Variants in TMEM163 observed in about 807,000 individuals in gnomAD.
The protein encoded by TMEM163 is transmembrane protein 163.
TMEM163 carries 17 observed loss-of-function variants against 29.3 expected under a neutral mutation model. The observed-to-expected ratio is 0.58, with a 90% CI of 0.40 to 0.87. The LOEUF is 0.87. Ranked by LOEUF, TMEM163 falls within the 40% of genes least tolerant of loss-of-function variation. The pLI, the probability that TMEM163 is intolerant of heterozygous loss-of-function variation, is 0.00. For missense variants in TMEM163, 303 were observed against 381.5 expected (o/e 0.79, Z 1.71); for synonymous variants, 157 against 160.6 (o/e 0.98, Z 0.17).
chr2:134,697,716 T>C (rs1684613042), intron 2 of TMEM163, among the ~76,000 whole-genome samples: 1 of 152,186 alleles, frequency 6.6e-6, no homozygotes, highest in African/African-American at 2.4e-5. Context: ...CATGGTAAAT[T>C]ACATAATAAA....
Position 134,493,874 on chromosome 2 carries a change from T to C in TMEM163, c.555+9027A>G, listed in dbSNP as rs117178372. ...CCAGCACCATTTGTTGAGGAGACTT[T>C]CCTTTCCCCCATTGAATTACCTTGG... On this transcript the variant is annotated intron_variant, in intron 5 of 7. Transcript: ENST00000281924. Among the ~76,000 whole-genome samples, 127 of 152,296 alleles carry C rather than the reference T, an allele frequency of 8.3e-4. No individual in the cohort carries two copies. In the East Asian group the frequency reaches 0.023, roughly 27 times the overall value.
intron 2 of TMEM163, among the ~76,000 whole-genome samples, chr2:134,581,694 C>T (rs763341703): frequency 6.6e-6 from 1 of 152,136 alleles, no homozygotes; most frequent in African/African-American, 2.4e-5. Context: ...CAAGTCAGCT[C>T]ATTTTGAGGG....
intron 2 of TMEM163, among the ~76,000 whole-genome samples, chr2:134,581,070 G>T (rs6730778): frequency 0.071 from 10,777 of 152,214 alleles, 430 homozygotes; most frequent in Admixed American, 0.14. Flanking sequence ...CATCACAGAC[G>T]CAGGTGCCAA....
chr2:134,534,165 G>A (rs979764918), intron 4 of TMEM163, among the ~76,000 whole-genome samples: 2 of 152,246 alleles, frequency 1.3e-5, no homozygotes, highest in African/African-American at 4.8e-5. Context: ...CTCATTAAAT[G>A]AGTAAATATC....
At chr2:134,465,093 T>A (rs1470175990) in intron 6 of TMEM163, among the ~76,000 whole-genome samples, 1 of 151,322 alleles carries the variant, frequency 6.6e-6, no homozygotes, top group Non-Finnish European at 1.5e-5. Context: ...GGCTCACACC[T>A]GTAATCCCAG....
intron 1 of TMEM163, among the ~76,000 whole-genome samples, chr2:134,716,747 G>A (rs80186468): frequency 0.027 from 4,065 of 152,178 alleles, 192 homozygotes; most frequent in African/African-American, 0.093. Flanking sequence ...AAAAATAACA[G>A]AAACAACAAA....
At chr2:134,643,664 TA>T (rs142265576) in intron 2 of TMEM163, among the ~76,000 whole-genome samples, 13,552 of 148,010 alleles carry the variant, frequency 0.092, 695 homozygotes, top group South Asian at 0.17. Flanking sequence ...TCATTCATGT[TA>T]AAAAAAAAAC....
intron 4 of TMEM163, among the ~76,000 whole-genome samples, chr2:134,516,348 G>A (rs966409612): frequency 6.6e-6 from 1 of 151,978 alleles, no homozygotes; most frequent in Admixed American, 6.6e-5. Context: ...ATCACTCGTG[G>A]TCAGGAGTTT....
intron 5 of TMEM163, among the ~76,000 whole-genome samples, chr2:134,489,512 G>A (rs977646007): frequency 6.6e-6 from 1 of 151,622 alleles, no homozygotes; most frequent in Non-Finnish European, 1.5e-5. Context: ...GGGAGGCAGA[G>A]GTTACAGTGA....
rs984591829 is a variant in TMEM163, at chr2:134,481,379, G to GA, written c.556-15155_556-15154insT. 4.9e-3 allele frequency among the ~76,000 whole-genome samples: 204 copies of GA among 41,938 alleles called. 2 individuals carry two copies. The African/African-American group carries it at 0.069, about 14-fold the overall frequency. The allele number at this position is 41,938 out of a possible 152,430, so 27.5% of individuals were successfully genotyped here. A position where few individuals can be genotyped will look rare whatever the true frequency, so the allele number is the denominator to read the frequency against. Reference sequence around the variant, plus strand: ...CCTAGTGGGAGGTAATTGAATCATGGGGGGGGGGGGAGCTTTTCCTGTGCT... The same window carrying GA: ...CCTAGTGGGAGGTAATTGAATCATGGAGGGGGGGGGGAGCTTTTCCTGTGCT... On this transcript the variant is annotated intron_variant, in intron 5 of 7. Transcript: ENST00000281924.
chr2:134,495,707 T>G (rs776412884), intron 5 of TMEM163, among the ~76,000 whole-genome samples: 2 of 152,180 alleles, frequency 1.3e-5, no homozygotes, highest in Non-Finnish European at 2.9e-5. Flanking sequence ...TCGTTCATGC[T>G]AAATGCCACA....
At chr2:134,479,768 T>G (rs985217014) in intron 5 of TMEM163, among the ~76,000 whole-genome samples, 2 of 152,140 alleles carry the variant, frequency 1.3e-5, no homozygotes, top group African/African-American at 4.8e-5. Context: ...CAGAGCTGTG[T>G]CCCAAGCTCA....
chr2:134,457,619 G>T (rs757007487), intron 7 of TMEM163, among the ~76,000 whole-genome samples: 12 of 152,230 alleles, frequency 7.9e-5, no homozygotes, highest in Non-Finnish European at 1.8e-4. Flanking sequence ...TAAGGCTAGG[G>T]ATGCGGCCTC....
chr2:134,643,664 T>C (rs1479607431), intron 2 of TMEM163, among the ~76,000 whole-genome samples: 1 of 148,064 alleles, frequency 6.8e-6, no homozygotes, highest in East Asian at 2.0e-4. Flanking sequence ...TCATTCATGT[T>C]AAAAAAAAAA....
intron 2 of TMEM163, among the ~76,000 whole-genome samples, chr2:134,632,024 C>T (rs1049997246): frequency 6.6e-6 from 1 of 152,164 alleles, no homozygotes; most frequent in Admixed American, 6.5e-5. Flanking sequence ...AAGTTTCCAA[C>T]AAAGTCATAT....
intron 2 of TMEM163, among the ~76,000 whole-genome samples, chr2:134,589,174 C>G (rs967426659): frequency 1.3e-5 from 2 of 152,080 alleles, no homozygotes; most frequent in East Asian, 3.8e-4. Flanking sequence ...ACACAGGACC[C>G]AGGCACTGAA....
intron 5 of TMEM163, among the ~76,000 whole-genome samples, chr2:134,481,953 C>A (rs1679202465): frequency 6.6e-6 from 1 of 152,156 alleles, no homozygotes; most frequent in South Asian, 2.1e-4. Flanking sequence ...CAGGAATGAA[C>A]CCCACCATCT....
intron 2 of TMEM163, among the ~76,000 whole-genome samples, chr2:134,708,244 G>A (rs1684859845): frequency 1.3e-5 from 2 of 152,218 alleles, no homozygotes; most frequent in African/African-American, 4.8e-5. Context: ...ACACCAGAAA[G>A]TATCTGAAGA....
intron 2 of TMEM163, among the ~76,000 whole-genome samples, chr2:134,670,154 C>CA (rs1334912556): frequency 6.6e-6 from 1 of 152,148 alleles, no homozygotes; most frequent in Non-Finnish European, 1.5e-5. Context: ...CTCCTTCTCT[C>CA]AAAATAGCAA....
Sources: gnomAD v4.1 joint callset for allele counts (sites outside exome capture counted in the v4.1 genomes callset) on GRCh38, gnomAD v4.1.1 for gene constraint, MANE v1.5 for transcripts, NCBI Gene and HGNC (gene_info 2026-07-23, HGNC 2026-07-21) for gene names.